ASPRV1: variants seen among roughly 807,000 people sequenced by gnomAD.
The protein encoded by ASPRV1 is retroviral-like aspartic protease 1.
A neutral mutation model predicts 11.0 loss-of-function variants in ASPRV1; 7 were observed. That is an observed-to-expected ratio of 0.64 (90% CI 0.36 to 1.20). The LOEUF is 1.20. ASPRV1 is among the 50% of genes most tolerant of loss of function. ASPRV1 has a pLI of 0.02. For synonymous variants in ASPRV1, 136 were observed against 138.4 expected (o/e 0.98, Z 0.12); for missense variants, 299 against 320.0 (o/e 0.93, Z 0.50).
At chr2:69,966,924 G>T in the ASPRV1 span, among the ~76,000 whole-genome samples, 2 of 152,182 alleles carry the variant, frequency 1.3e-5, no homozygotes, top group African/African-American at 4.8e-5. Flanking sequence ...AAGTGATCCA[G>T]AAGATGTGGG....
chr2:70,067,629 C>T, the ASPRV1 span, among the ~76,000 whole-genome samples: 5 of 152,048 alleles, frequency 3.3e-5, no homozygotes, highest in Middle Eastern at 6.8e-3. Context: ...AAGAAAATAC[C>T]AGAATGATAC....
the ASPRV1 span, among the ~76,000 whole-genome samples, chr2:69,954,039 ACTTT>A: frequency 2.8e-4 from 43 of 152,052 alleles, 1 homozygote; most frequent in Admixed American, 2.8e-3. Context: ...ATTATGGAAA[ACTTT>A]CTTAAATGAC....
chr2:70,067,846 G>T, the ASPRV1 span, among the ~76,000 whole-genome samples: 1 of 151,924 alleles, frequency 6.6e-6, no homozygotes. Flanking sequence ...ACAATGTTTT[G>T]GTATTTTAAA....
In ASPRV1 at chr2:69,961,323, G is replaced by A. The variant is rs764589687; in HGVS notation, c.114C>T (p.Val38=). Residue 38 remains valine, a synonymous_variant, in exon 1 of 1, where the codon GTC becomes GTT. Coordinates refer to ENST00000320256, the MANE Select transcript of ASPRV1 (RefSeq NM_152792.4). ...GGTCCCAATGGTTGAGGTCATTGAT[G>A]ACTTCAAAGCTGTGCAGCCAGAGGT... ...VPNLWLHSFE[V]INDLNHWDHI... is the part of the protein sequence containing the mutation. 35 of 1,613,984 alleles carry A rather than the reference G, an allele frequency of 2.2e-5. No homozygotes were observed. The highest frequency in any genetic ancestry group is 2.9e-5 in the Non-Finnish European group (34 of 1,180,038).
chr2:69,933,829 A>T, the ASPRV1 span, among the ~76,000 whole-genome samples: 1 of 152,314 alleles, frequency 6.6e-6, no homozygotes, highest in Non-Finnish European at 1.5e-5. Context: ...TACAATTCTT[A>T]AGAGGAAAAA....
chr2:69,988,028 T>A, the ASPRV1 span, among the ~76,000 whole-genome samples: 2 of 152,170 alleles, frequency 1.3e-5, no homozygotes, highest in Admixed American at 1.3e-4. Flanking sequence ...GGGGAGAATG[T>A]GGAGAAACTG....
At chr2:70,014,664 G>A in the ASPRV1 span, 1 of 151,936 alleles carries the variant, frequency 6.6e-6, no homozygotes, top group Non-Finnish European at 1.5e-5. Context: ...GCCAGATGTG[G>A]TGACATGTGT....
At chr2:70,006,753 C>T in the ASPRV1 span, among the ~76,000 whole-genome samples, 1 of 152,220 alleles carries the variant, frequency 6.6e-6, no homozygotes, top group Non-Finnish European at 1.5e-5. Flanking sequence ...AAGCCCATTA[C>T]CCTTTACATA....
At chr2:70,023,673 CAAA>C in the ASPRV1 span, among the ~76,000 whole-genome samples, 5 of 125,562 alleles carry the variant, frequency 4.0e-5, no homozygotes, top group Non-Finnish European at 3.6e-5. Context: ...GACTCTGTCT[CAAA>C]AAAAAAAAAA....
the ASPRV1 span, among the ~76,000 whole-genome samples, chr2:69,946,311 T>C: frequency 9.9e-5 from 15 of 152,110 alleles, no homozygotes; most frequent in African/African-American, 3.6e-4. Flanking sequence ...CGGAAGGTGG[T>C]CCTGGGTGAT....
chr2:70,037,891 A>T, the ASPRV1 span, among the ~76,000 whole-genome samples: 11 of 152,118 alleles, frequency 7.2e-5, no homozygotes, highest in East Asian at 1.9e-4. Flanking sequence ...GGTGACAGAA[A>T]TTTTTTTTCT....
chr2:70,066,718 C>T, the ASPRV1 span, among the ~76,000 whole-genome samples: 1 of 152,118 alleles, frequency 6.6e-6, no homozygotes, highest in Non-Finnish European at 1.5e-5. Flanking sequence ...CCACTTCAGC[C>T]TCCCAAGTAT....
At chr2:69,956,370 C>A (rs1200337498), downstream of ASPRV1, among the ~76,000 whole-genome samples, 1 of 150,600 alleles carries the variant, frequency 6.6e-6, no homozygotes, top group Admixed American at 6.6e-5. Context: ...ATCACTTGAG[C>A]CCAGGAGTTT....
At chr2:70,072,080 T>C in the ASPRV1 span, among the ~76,000 whole-genome samples, 2 of 151,940 alleles carry the variant, frequency 1.3e-5, no homozygotes, top group East Asian at 3.9e-4. Context: ...GCCTCCCGAG[T>C]AGGTAGGATC....
chr2:69,935,390 G>T, the ASPRV1 span: 1 of 1,614,142 alleles, frequency 6.2e-7, no homozygotes. Context: ...AGTTGAAGGG[G>T]CTGGTGCCAC....
the ASPRV1 span, chr2:70,080,862 C>G: frequency 6.6e-6 from 1 of 152,220 alleles, no homozygotes; most frequent in Non-Finnish European, 1.5e-5. Flanking sequence ...CTTCCTCTGC[C>G]TGGAATACCC....
the ASPRV1 span, among the ~76,000 whole-genome samples, chr2:70,029,314 G>C: frequency 3.9e-5 from 6 of 152,206 alleles, no homozygotes; most frequent in East Asian, 1.2e-3. Flanking sequence ...AACAAGCTGA[G>C]TGCAAAGACA....
the ASPRV1 span, among the ~76,000 whole-genome samples, chr2:69,990,942 C>A: frequency 6.6e-6 from 1 of 152,108 alleles, no homozygotes; most frequent in Non-Finnish European, 1.5e-5. Context: ...ACTGTGTAGA[C>A]CCTCCTTTGG....
At chr2:69,932,718 G>A in the ASPRV1 span, among the ~76,000 whole-genome samples, 1 of 152,160 alleles carries the variant, frequency 6.6e-6, no homozygotes, top group Non-Finnish European at 1.5e-5. Context: ...GGCTAGAAAT[G>A]ACAATGCATC....
Sources: gnomAD v4.1 joint callset for allele counts (sites outside exome capture counted in the v4.1 genomes callset) on GRCh38, gnomAD v4.1.1 for gene constraint, MANE v1.5 for transcripts, NCBI Gene and HGNC (gene_info 2026-07-23, HGNC 2026-07-21) for gene names.